The following ROR1 variants were observed in gnomAD, a reference collection of about 807,000 sequenced individuals.
The protein encoded by ROR1 is ROR family WNT receptor 1, also known as inactive tyrosine-protein kinase transmembrane receptor ROR1.
A neutral mutation model predicts 78.8 loss-of-function variants in ROR1; 19 were observed. That is an observed-to-expected ratio of 0.24 (90% CI 0.17 to 0.35). The LOEUF (loss-of-function observed/expected upper bound fraction) is 0.35. ROR1 is among the 10% of genes least tolerant of loss of function. The pLI is 1.00. For synonymous variants in ROR1, 386 were observed against 433.6 expected (o/e 0.89, Z 1.36); for missense variants, 917 against 1,177.8 (o/e 0.78, Z 3.24).
intron 4 of ROR1, among the ~76,000 whole-genome samples, chr1:64,116,173 C>G (rs1462244583): frequency 1.3e-5 from 2 of 152,206 alleles, no homozygotes; most frequent in African/African-American, 4.8e-5. Flanking sequence ...TCAAGTTAAT[C>G]CATGCTCTTC....
intron 1 of ROR1, among the ~76,000 whole-genome samples, chr1:63,937,229 G>C (rs574759919): frequency 6.6e-6 from 1 of 152,260 alleles, no homozygotes; most frequent in South Asian, 2.1e-4. Context: ...GCACTTCTCA[G>C]TGAGCCGGCA....
chr1:63,898,994 C>T (rs1437588579), intron 1 of ROR1, among the ~76,000 whole-genome samples: 1 of 152,156 alleles, frequency 6.6e-6, no homozygotes, highest in Non-Finnish European at 1.5e-5. Flanking sequence ...GGAAACAGTA[C>T]ATAAAGTACT....
At chr1:64,029,178 C>A (rs571494742) in intron 2 of ROR1, among the ~76,000 whole-genome samples, 1 of 152,238 alleles carries the variant, frequency 6.6e-6, no homozygotes, top group African/African-American at 2.4e-5. Context: ...AACCTACCAT[C>A]CTTCTGTGAA....
At chr1:64,052,585 C>T (rs1646841646) in intron 4 of ROR1, among the ~76,000 whole-genome samples, 1 of 152,178 alleles carries the variant, frequency 6.6e-6, no homozygotes, top group African/African-American at 2.4e-5. Context: ...CTGTTGTGAA[C>T]CGATATCTAT....
rs1473873039 is a variant in ROR1 at position 64,105,925 on chromosome 1, G to A, written c.483-31444G>A. On this transcript the variant is annotated intron_variant, in intron 4 of 8. Transcript: ENST00000371079. ...AGCTTTGTTCTTTTTGCTTAGGCTT[G>A]TCTTAGCTATACAGGGTCTTCTTTG... 2.6e-5 allele frequency: 4 copies of A among 152,062 alleles called. No homozygotes were observed. The East Asian group carries it at 7.7e-4, about 29-fold the overall frequency. 9.4% of individuals were successfully genotyped at this position (152,062 alleles called of 1,614,324 possible). A position where few individuals can be genotyped will look rare whatever the true frequency, so the allele number is the denominator to read the frequency against.
intron 8 of ROR1, among the ~76,000 whole-genome samples, chr1:64,174,187 C>T (rs542995329): frequency 2.0e-5 from 3 of 152,160 alleles, no homozygotes; most frequent in Admixed American, 2.0e-4. Context: ...GTATTTAATT[C>T]CTACTGCAAC....
intron 4 of ROR1, among the ~76,000 whole-genome samples, chr1:64,118,854 A>C (rs545418001): frequency 6.6e-6 from 1 of 152,094 alleles, no homozygotes; most frequent in Non-Finnish European, 1.5e-5. Context: ...AAAGCTGTTG[A>C]TATTTCAACT....
At chr1:64,085,775 GTT>G (rs145142635) in intron 4 of ROR1, among the ~76,000 whole-genome samples, 1 of 151,544 alleles carries the variant, frequency 6.6e-6, no homozygotes, top group African/African-American at 2.4e-5. Context: ...ATTATTATTA[GTT>G]TTTTTTTAAG....
At position 63,785,497 on chromosome 1, in the gene ROR1, TTTTATTTATTTA is replaced by T. The variant is rs56141123; in HGVS notation, c.91+11010_91+11021del. On this transcript the variant is annotated intron_variant, in intron 1 of 8. Transcript: ENST00000371079. ...CAAGCAGCAACTATATATATATATA[TTTTATTTATTTA>T]TTTATTTATTTATTTATTTAATTTT... 9.9e-4 allele frequency among the ~76,000 whole-genome samples: 146 copies of T among 147,660 alleles called. 1 individual carries two copies. The highest frequency in any genetic ancestry group is 7.1e-3 in the Middle Eastern group (2 of 280).
intron 1 of ROR1, among the ~76,000 whole-genome samples, chr1:63,790,117 T>TA (rs919702696): frequency 6.6e-6 from 1 of 152,204 alleles, no homozygotes; most frequent in African/African-American, 2.4e-5. Flanking sequence ...TGTTCTTAAA[T>TA]AACCTTCATT....
intron 1 of ROR1, among the ~76,000 whole-genome samples, chr1:63,871,663 G>A (rs1645252090): frequency 6.6e-6 from 1 of 152,212 alleles, no homozygotes; most frequent in South Asian, 2.1e-4. Context: ...TGCCTTGACA[G>A]TGCCTATTTT....
At chr1:63,789,129 G>A in intron 1 of ROR1, 2 of 610,468 alleles carry the variant, frequency 3.3e-6, no homozygotes, top group South Asian at 2.9e-5. Context: ...TCGAGCCTGG[G>A]AATGGACAGT....
At chr1:63,958,592 A>G (rs1646002604) in intron 1 of ROR1, among the ~76,000 whole-genome samples, 1 of 152,204 alleles carries the variant, frequency 6.6e-6, no homozygotes, top group South Asian at 2.1e-4. Flanking sequence ...TGAATATGGT[A>G]GCTTCCACAA....
In ROR1 at chr1:64,071,293, G is replaced by C. The variant is rs535131997; in HGVS notation, c.482+20577G>C. 4.5e-4 allele frequency among the ~76,000 whole-genome samples: 69 copies of C among 152,236 alleles called. No individual in the cohort carries two copies. The South Asian group carries it at 5.6e-3, about 12-fold the overall frequency. Reference sequence around the variant, plus strand: ...GAGCACTCTGGCATCTGTGCGGAGGGTGGACGAGAGTATGAGCAGGAGCTG... The same window carrying C: ...GAGCACTCTGGCATCTGTGCGGAGGCTGGACGAGAGTATGAGCAGGAGCTG... On this transcript the variant is annotated intron_variant, in intron 4 of 8. Coordinates refer to ENST00000371079, the MANE Select transcript of ROR1 (RefSeq NM_005012.4).
intron 7 of ROR1, among the ~76,000 whole-genome samples, chr1:64,151,010 A>G (rs1261195811): frequency 1.3e-5 from 2 of 152,216 alleles, no homozygotes; most frequent in East Asian, 3.9e-4. Flanking sequence ...CTGATATAAT[A>G]CCACAATGAT....
intron 2 of ROR1, among the ~76,000 whole-genome samples, chr1:64,016,956 C>T (rs1479299643): frequency 2.0e-5 from 3 of 151,682 alleles, no homozygotes; most frequent in South Asian, 2.1e-4. Flanking sequence ...CTTATTCTGT[C>T]GCCCAGGCTG....
At chr1:63,926,555 G>C (rs982917644) in intron 1 of ROR1, among the ~76,000 whole-genome samples, 1 of 139,614 alleles carries the variant, frequency 7.2e-6, no homozygotes, top group Admixed American at 7.3e-5. Context: ...GAAAGGCATT[G>C]GTAGCTTGAT....
At chr1:63,924,947 T>C (rs1645687907) in intron 1 of ROR1, among the ~76,000 whole-genome samples, 2 of 148,504 alleles carry the variant, frequency 1.3e-5, no homozygotes, top group African/African-American at 2.6e-5. Context: ...TTTTTTTTTT[T>C]TTTTTTTTTA....
chr1:63,886,380 A>C (rs1268248579), intron 1 of ROR1, among the ~76,000 whole-genome samples: 2 of 152,166 alleles, frequency 1.3e-5, no homozygotes, highest in African/African-American at 4.8e-5. Context: ...GTTGCAATGC[A>C]TGGTTCTTAA....
Sources: allele counts gnomAD v4.1 joint callset (sites outside exome capture counted in the v4.1 genomes callset), GRCh38; gene constraint gnomAD v4.1.1; transcripts MANE v1.5; gene names NCBI Gene and HGNC (gene_info 2026-07-23, HGNC 2026-07-21).